PDE11A: variants seen among roughly 807,000 people sequenced by gnomAD.
PDE11A encodes dual 3',5'-cyclic-AMP and -GMP phosphodiesterase 11A.
In PDE11A, 100 loss-of-function variants were observed where a neutral mutation model predicts 100.5. The ratio of observed to expected loss-of-function variants is 1.00; its 90% CI spans 0.85 to 1.18. The LOEUF is 1.18. PDE11A is among the 50% of genes most tolerant of loss of function. The probability of loss-of-function intolerance (pLI) is 0.00; values close to 1 mark genes in which losing one functional copy is unlikely to be tolerated. For synonymous variants in PDE11A, 381 were observed against 420.8 expected (o/e 0.91, Z 1.16); for missense variants, 1,141 against 1,152.6 (o/e 0.99, Z 0.15).
At chr2:178,064,434 C>T (rs371931902) in intron 1 of PDE11A, among the ~76,000 whole-genome samples, 5 of 152,164 alleles carry the variant, frequency 3.3e-5, no homozygotes, top group African/African-American at 1.2e-4. Flanking sequence ...AGCTCCCTCA[C>T]TTACCAACGG....
chr2:177,745,657 G>A (rs2081937484), intron 10 of PDE11A, among the ~76,000 whole-genome samples: 1 of 152,202 alleles, frequency 6.6e-6, no homozygotes, highest in Non-Finnish European at 1.5e-5. Flanking sequence ...GCCTCTCTGG[G>A]CCACATCAGA....
chr2:177,955,887 T>C (rs2085555652), intron 2 of PDE11A, among the ~76,000 whole-genome samples: 1 of 152,156 alleles, frequency 6.6e-6, no homozygotes, highest in Admixed American at 6.5e-5. Context: ...ATCCCTTCCT[T>C]AAACCTTATA....
intron 4 of PDE11A, among the ~76,000 whole-genome samples, chr2:177,879,475 G>C (rs2105701365): frequency 6.6e-6 from 1 of 152,282 alleles, no homozygotes; most frequent in Middle Eastern, 3.4e-3. Context: ...GCAGTGTAGT[G>C]TACAATGGAA....
chr2:177,930,856 G>A (rs756403247), intron 2 of PDE11A, among the ~76,000 whole-genome samples: 1 of 152,148 alleles, frequency 6.6e-6, no homozygotes, highest in Non-Finnish European at 1.5e-5. Context: ...ACCTACTAAG[G>A]ATCCAAAGAG....
At chr2:178,097,763 C>A (rs891639721) in intron 2 of PDE11A, among the ~76,000 whole-genome samples, 7 of 152,186 alleles carry the variant, frequency 4.6e-5, no homozygotes, top group Non-Finnish European at 8.8e-5. Flanking sequence ...TAAATGATCA[C>A]TCTAGCTATC....
At chr2:178,020,924 GGTGTGTGTGT>G (rs532087273) in intron 1 of PDE11A, among the ~76,000 whole-genome samples, 8,760 of 125,678 alleles carry the variant, frequency 0.07, 794 homozygotes, top group African/African-American at 0.22. Context: ...TTTTTGTCTT[GGTGTGTGTGT>G]GTGTGTGTGT....
chr2:177,906,725 A>G (rs1422009479), intron 2 of PDE11A, among the ~76,000 whole-genome samples: 1 of 152,028 alleles, frequency 6.6e-6, no homozygotes, highest in Non-Finnish European at 1.5e-5. Context: ...ACTCCCCCTC[A>G]TACCTTAGAA....
chr2:177,690,099 T>C (rs1462735882), intron 15 of PDE11A, among the ~76,000 whole-genome samples: 1 of 152,160 alleles, frequency 6.6e-6, no homozygotes, highest in African/African-American at 2.4e-5. Context: ...ACATTTCTCA[T>C]TTTTTAGTCA....
At chr2:177,983,306 G>C (rs1054247962) in intron 2 of PDE11A, among the ~76,000 whole-genome samples, 2 of 152,080 alleles carry the variant, frequency 1.3e-5, no homozygotes, top group African/African-American at 4.8e-5. Flanking sequence ...ACTTCTTAAA[G>C]AAACTTAATT....
chr2:177,815,278 C>CT (rs138040203), intron 9 of PDE11A, among the ~76,000 whole-genome samples: 61,682 of 151,854 alleles, frequency 0.41, 14,350 homozygotes, highest in African/African-American at 0.64. Flanking sequence ...TATGATTTTA[C>CT]GAATACTTAT....
chr2:177,737,449 A>ACACACAC (rs55844103), intron 10 of PDE11A, among the ~76,000 whole-genome samples: 14 of 148,112 alleles, frequency 9.5e-5, no homozygotes, highest in East Asian at 2.0e-4. Context: ...ACACACACAC[A>ACACACAC]AATTAGCCAG....
At chr2:177,942,432 T>C (rs1405094356) in intron 2 of PDE11A, among the ~76,000 whole-genome samples, 1 of 152,032 alleles carries the variant, frequency 6.6e-6, no homozygotes, top group Admixed American at 6.6e-5. Context: ...GACAGAGTTT[T>C]GATCTTGTTG....
intron 5 of PDE11A, among the ~76,000 whole-genome samples, chr2:177,845,519 C>T (rs1372189081): frequency 0.012 from 1,795 of 151,050 alleles, 37 homozygotes; most frequent in African/African-American, 0.04. Context: ...GGATGGCGGC[C>T]GGGCGGAGAC....
rs74353735 is a variant in PDE11A, at chr2:177,776,537, CCCAATCCCCA to C, written c.1738-7174_1738-7165del. 3.5e-3 allele frequency among the ~76,000 whole-genome samples: 535 copies of C among 152,182 alleles called. 1 individual carries two copies. Among genetic ancestry groups the C allele is most frequent in the Non-Finnish European group, 6.7e-3 (456 of 68,008 alleles). ...TACTATTATGAGGGGAATTGTGCCC[CCCAATCCCCA>C]CCAATTCATTTATTGAATTTCTAAT... is the stretch of plus-strand genomic sequence containing the variant. On this transcript the variant is annotated intron_variant, in intron 9 of 19. Coordinates refer to ENST00000286063, the MANE Select transcript of PDE11A (RefSeq NM_016953.4).
chr2:177,805,121 CA>C (rs542510512), intron 9 of PDE11A, among the ~76,000 whole-genome samples: 2 of 150,402 alleles, frequency 1.3e-5, no homozygotes, highest in Non-Finnish European at 3.0e-5. Flanking sequence ...ATGTAGTTTA[CA>C]AAAAAATGCC....
intron 10 of PDE11A, among the ~76,000 whole-genome samples, chr2:177,761,183 C>T (rs1166728858): frequency 6.6e-6 from 1 of 152,112 alleles, no homozygotes; most frequent in Non-Finnish European, 1.5e-5. Flanking sequence ...ATCATTACAG[C>T]ACACTCCAAA....
At chr2:177,891,410 A>G (rs1025459809) in intron 4 of PDE11A, among the ~76,000 whole-genome samples, 1 of 152,248 alleles carries the variant, frequency 6.6e-6, no homozygotes, top group African/African-American at 2.4e-5. Flanking sequence ...ACTGGTTATT[A>G]TAATTATTTT....
At chr2:177,929,152 C>T (rs1203922683) in intron 2 of PDE11A, among the ~76,000 whole-genome samples, 1 of 150,388 alleles carries the variant, frequency 6.6e-6, no homozygotes, top group Non-Finnish European at 1.5e-5. Context: ...CACAGTCATC[C>T]AAATCTCCTA....
intron 2 of PDE11A, among the ~76,000 whole-genome samples, chr2:177,916,014 T>C (rs2084947590): frequency 6.6e-6 from 1 of 152,208 alleles, no homozygotes; most frequent in Non-Finnish European, 1.5e-5. Context: ...GAACATGAAA[T>C]ACACCTATAA....
Sources: gnomAD v4.1 joint callset for allele counts (sites outside exome capture counted in the v4.1 genomes callset) on GRCh38, gnomAD v4.1.1 for gene constraint, MANE v1.5 for transcripts, NCBI Gene and HGNC (gene_info 2026-07-23, HGNC 2026-07-21) for gene names.